CNTN6: variants seen among roughly 807,000 people sequenced by gnomAD.
CNTN6 encodes the protein contactin-6.
CNTN6 carries 137 observed loss-of-function variants against 122.8 expected under a neutral mutation model. That is an observed-to-expected ratio of 1.12 (90% CI 0.97 to 1.29). The LOEUF is 1.29. Ranked by LOEUF, CNTN6 falls within the 50% of genes most tolerant of loss-of-function variation. The probability of loss-of-function intolerance (pLI) is 0.00; values close to 1 mark genes in which losing one functional copy is unlikely to be tolerated. For missense variants in CNTN6, 1,634 were observed against 1,223.4 expected, an observed-to-expected ratio of 1.34 and a Z score of -5.01; for synonymous variants, 570 against 426.0, an observed-to-expected ratio of 1.34 and a Z score of -4.16.
At chr3:1,318,725 A>T (rs981301010) in intron 7 of CNTN6, among the ~76,000 whole-genome samples, 1 of 151,812 alleles carries the variant, frequency 6.6e-6, no homozygotes, top group Non-Finnish European at 1.5e-5. Flanking sequence ...CGGGAGCTGG[A>T]GAAGTTATAC....
intron 11 of CNTN6, 126 bp downstream of exon 11, chr3:1,330,061 C>G (rs955712417): frequency 3.3e-5 from 19 of 568,748 alleles, no homozygotes; most frequent in African/African-American, 2.9e-4. Flanking sequence ...TACCTAGAGA[C>G]GCCAGCATTC....
intron 2 of CNTN6, among the ~76,000 whole-genome samples, chr3:1,178,193 G>A (rs956723046): frequency 2.0e-5 from 3 of 151,988 alleles, no homozygotes; most frequent in African/African-American, 7.2e-5. Flanking sequence ...GAGCCACCAC[G>A]CCCGGCCTCC....
At chr3:1,268,932 G>C (rs1486202598) in intron 4 of CNTN6, among the ~76,000 whole-genome samples, 1 of 152,112 alleles carries the variant, frequency 6.6e-6, no homozygotes, top group East Asian at 1.9e-4. Context: ...AGTGAGCTAT[G>C]ATCAAGCCAC....
chr3:1,344,987 C>T (rs945275712), intron 11 of CNTN6, among the ~76,000 whole-genome samples: 7 of 151,982 alleles, frequency 4.6e-5, no homozygotes, highest in African/African-American at 1.4e-4. Flanking sequence ...TGCTTTTTTT[C>T]ATTTTTACTA....
chr3:1,393,480 C>T (rs1294601061), intron 20 of CNTN6, among the ~76,000 whole-genome samples: 11 of 142,850 alleles, frequency 7.7e-5, no homozygotes, highest in South Asian at 2.4e-4. Flanking sequence ...GTGGGTGCAG[C>T]GCACCAGCAT....
intron 2 of CNTN6, among the ~76,000 whole-genome samples, chr3:1,158,839 C>CGTGT (rs2093044504): frequency 3.0e-4 from 16 of 53,222 alleles, no homozygotes; most frequent in Middle Eastern, 8.6e-3. Flanking sequence ...TATACACACA[C>CGTGT]ATATATATAC....
intron 12 of CNTN6, among the ~76,000 whole-genome samples, chr3:1,366,473 G>A (rs1223191114): frequency 2.6e-5 from 4 of 152,244 alleles, no homozygotes; most frequent in Non-Finnish European, 5.9e-5. Context: ...TATAGGATCT[G>A]AGTGGTTTGA....
In CNTN6 at chr3:1,402,298, T is replaced by G; in HGVS notation, c.2818-20T>G. 6.3e-7 allele frequency: 1 copy of G among 1,595,614 alleles called. No individual in the cohort carries two copies. The highest frequency in any genetic ancestry group is 2.2e-5 in the East Asian group (1 of 44,576). On this transcript the variant is annotated intron_variant, in intron 21 of 22. Coordinates refer to ENST00000446702, the MANE Select transcript of CNTN6 (RefSeq NM_001289080.2). ...GAAAAGCAACATGTCCATGTTAACT[T>G]GATACCTCATTTTATTCAGATTCTG...
At chr3:1,388,110 G>T (rs965291780) in intron 20 of CNTN6, among the ~76,000 whole-genome samples, 1 of 152,124 alleles carries the variant, frequency 6.6e-6, no homozygotes, top group Non-Finnish European at 1.5e-5. Context: ...CTCGGGGCAG[G>T]GCACAGACAA....
chr3:1,288,034 A>T (rs1054831745), intron 5 of CNTN6, among the ~76,000 whole-genome samples: 3 of 152,202 alleles, frequency 2.0e-5, no homozygotes, highest in Non-Finnish European at 4.4e-5. Context: ...GTGAGAAGCC[A>T]GTAACTCATG....
intron 4 of CNTN6, among the ~76,000 whole-genome samples, chr3:1,272,853 C>G (rs918589419): frequency 6.6e-6 from 1 of 152,180 alleles, no homozygotes; most frequent in African/African-American, 2.4e-5. Flanking sequence ...GTGGCAGCTG[C>G]AAAGATATAT....
rs575436858 is a variant in CNTN6, at chr3:1,156,608, CT to C, written c.55+8550del. ...AGTCTCAGACTTTCTTTCTTTCTTTCTTTTTCTTTTCTTTCTTTCTTTCTCT... is the reference window on the plus strand; with the variant it reads ...AGTCTCAGACTTTCTTTCTTTCTTTCTTTTCTTTTCTTTCTTTCTTTCTCT... On this transcript the variant is annotated intron_variant, in intron 2 of 22. Transcript: ENST00000446702. 3.3e-5 allele frequency among the ~76,000 whole-genome samples: 5 copies of C among 149,466 alleles called. No individual in the cohort carries two copies. In the East Asian group the frequency reaches 1.0e-3, roughly 30 times the overall value.
At chr3:1,269,331 A>G (rs1346621185) in intron 4 of CNTN6, among the ~76,000 whole-genome samples, 1 of 152,168 alleles carries the variant, frequency 6.6e-6, no homozygotes, top group African/African-American at 2.4e-5. Flanking sequence ...CTTTTAAGGA[A>G]TTCGTTAGTG....
At chr3:1,201,646 G>C (rs370301312) in intron 2 of CNTN6, among the ~76,000 whole-genome samples, 1 of 152,124 alleles carries the variant, frequency 6.6e-6, no homozygotes, top group African/African-American at 2.4e-5. Flanking sequence ...AGTTTGCTAA[G>C]AAAGTAATTC....
At chr3:1,098,800 A>C (rs1574826049) in intron 1 of CNTN6, among the ~76,000 whole-genome samples, 1 of 121,270 alleles carries the variant, frequency 8.2e-6, no homozygotes, top group African/African-American at 4.4e-5. Context: ...ATATATATAT[A>C]TATATATATA....
chr3:1,261,513 C>A lies in CNTN6; in HGVS notation c.359-16900C>A, dbSNP rs577840422. On this transcript the variant is annotated intron_variant, in intron 4 of 22. Transcript: ENST00000446702. Reference sequence around the variant, plus strand: ...ATTGGTTAAGGATCAGTCCTCAGGACTTCAATTTCTGGTAACCTGGCCTGC... The same window carrying A: ...ATTGGTTAAGGATCAGTCCTCAGGAATTCAATTTCTGGTAACCTGGCCTGC... Among the ~76,000 whole-genome samples the A allele has an allele frequency of 5.4e-5, 8 of 149,046 alleles. No individual in the cohort carries two copies. The South Asian group carries it at 1.9e-3, about 35-fold the overall frequency.
At position 1,372,264 on chromosome 3, in the gene CNTN6, C is replaced by T. The variant is rs190910992; in HGVS notation, c.1493-35C>T. On this transcript the variant is annotated intron_variant, in intron 12 of 22. Coordinates refer to ENST00000446702, the MANE Select transcript of CNTN6 (RefSeq NM_001289080.2). The stretch of plus-strand genomic sequence containing the variant: ...ATTTTATAACCATAGGCTAGCATTT[C>T]ATAAGCTTTAAAAAATAATTTTTTT... The T allele has an allele frequency of 1.4e-5, 22 of 1,532,058 alleles. No individual in the cohort carries two copies. The African/African-American group carries it at 2.8e-4, about 19-fold the overall frequency. 94.9% of individuals were successfully genotyped at this position (1,532,058 alleles called of 1,614,324 possible).
At chr3:1,183,091 G>A (rs1348633843) in intron 2 of CNTN6, among the ~76,000 whole-genome samples, 1 of 152,058 alleles carries the variant, frequency 6.6e-6, no homozygotes, top group Non-Finnish European at 1.5e-5. Context: ...TTTTTAAAAT[G>A]CCAAGATGAA....
intron 1 of CNTN6, among the ~76,000 whole-genome samples, chr3:1,116,698 C>A: frequency 1.4e-5 from 1 of 71,772 alleles, no homozygotes; most frequent in East Asian, 4.6e-4. Context: ...GTCATCAAAT[C>A]TTTTTTTTTT....
Sources: allele counts gnomAD v4.1 joint callset (sites outside exome capture counted in the v4.1 genomes callset), GRCh38; gene constraint gnomAD v4.1.1; transcripts MANE v1.5; gene names NCBI Gene and HGNC (gene_info 2026-07-23, HGNC 2026-07-21).